PTK2: variants seen among roughly 807,000 people sequenced by gnomAD.
PTK2 encodes the protein protein tyrosine kinase 2.
In PTK2, 45 loss-of-function variants were observed where a neutral mutation model predicts 150.1. The observed-to-expected ratio is 0.30, with a 90% CI of 0.24 to 0.38. The LOEUF is 0.38. Ranked by LOEUF, PTK2 falls within the 10% of genes least tolerant of loss-of-function variation. The probability of loss-of-function intolerance (pLI) is 1.00; values close to 1 mark genes in which losing one functional copy is unlikely to be tolerated. For missense variants in PTK2, 919 were observed against 1,307.3 expected (o/e 0.70, Z 4.58); for synonymous variants, 432 against 449.2 (o/e 0.96, Z 0.48).
At chr8:140,751,550 G>A (rs2100062685) in intron 17 of PTK2, among the ~76,000 whole-genome samples, 1 of 151,564 alleles carries the variant, frequency 6.6e-6, no homozygotes, top group Non-Finnish European at 1.5e-5. Context: ...GAAGTGCAGT[G>A]TTGCTATCTC....
At chr8:140,869,819 A>C (rs1401541567) in intron 4 of PTK2, among the ~76,000 whole-genome samples, 1 of 152,104 alleles carries the variant, frequency 6.6e-6, no homozygotes, top group Non-Finnish European at 1.5e-5. Context: ...TCATGAACTT[A>C]TATGTACTTA....
intron 24 of PTK2, among the ~76,000 whole-genome samples, 159 bp from the exon 28 acceptor site, chr8:140,702,866 G>T (rs987142130): frequency 1.3e-5 from 2 of 152,200 alleles, no homozygotes; most frequent in Non-Finnish European, 2.9e-5. Flanking sequence ...ATGTGAATAT[G>T]TTTCCTTACG....
chr8:140,870,704 A>T (rs1271692969), intron 4 of PTK2, among the ~76,000 whole-genome samples: 1 of 152,230 alleles, frequency 6.6e-6, no homozygotes, highest in Admixed American at 6.5e-5. Context: ...ACAAAGACTT[A>T]AAAGACAAAG....
chr8:140,708,166 G>A (rs962889124), intron 23 of PTK2, among the ~76,000 whole-genome samples: 2 of 152,172 alleles, frequency 1.3e-5, no homozygotes, highest in African/African-American at 2.4e-5. Context: ...AAAGGAAATA[G>A]ATTTAAGTTC....
chr8:140,998,661 T>C (rs936957455), intron 1 of PTK2, among the ~76,000 whole-genome samples: 2 of 151,444 alleles, frequency 1.3e-5, no homozygotes, highest in Non-Finnish European at 2.9e-5. Flanking sequence ...TACTAAAAAA[T>C]ACAAAAAATT....
intron 1 of PTK2, among the ~76,000 whole-genome samples, chr8:140,983,402 A>G (rs1200486010): frequency 6.6e-6 from 1 of 151,116 alleles, no homozygotes; most frequent in Non-Finnish European, 1.5e-5. Context: ...AAAAAAAAAA[A>G]TCTTTGTTAA....
chr8:140,892,607 T>C, intron 2 of PTK2: 1 of 459,558 alleles, frequency 2.2e-6, no homozygotes, highest in East Asian at 6.3e-5. Context: ...AAATAATACC[T>C]TTTTCATCCA....
At chr8:140,733,244 T>C (rs2100050613) in intron 22 of PTK2, among the ~76,000 whole-genome samples, 1 of 152,054 alleles carries the variant, frequency 6.6e-6, no homozygotes. Flanking sequence ...AGGGCTGGCA[T>C]AGAAGAGAAT....
intron 14 of PTK2, among the ~76,000 whole-genome samples, chr8:140,778,240 C>T (rs751967021): frequency 2.0e-4 from 30 of 152,108 alleles, no homozygotes; most frequent in Admixed American, 1.1e-3. Flanking sequence ...GGCTGAGGCA[C>T]ATGGACCACT....
At chr8:140,920,950 A>T in intron 2 of PTK2, 1 of 1,451,812 alleles carries the variant, frequency 6.9e-7, no homozygotes, top group Non-Finnish European at 9.0e-7. Flanking sequence ...AGGAGTCTGC[A>T]CACAAAGTCC....
At chr8:140,897,828 T>C (rs2100156896) in intron 2 of PTK2, among the ~76,000 whole-genome samples, 1 of 152,326 alleles carries the variant, frequency 6.6e-6, no homozygotes, top group East Asian at 1.9e-4. Context: ...ATGAAAAAAG[T>C]CTTTTACCCC....
chr8:140,708,917 C>T (rs1428269342), intron 23 of PTK2, among the ~76,000 whole-genome samples: 2 of 138,568 alleles, frequency 1.4e-5, no homozygotes, highest in Admixed American at 1.5e-4. Context: ...GGGACCAGAA[C>T]AATAAACAGA....
At chr8:140,920,942 G>C (rs2100167154) in intron 2 of PTK2, 8 of 1,467,720 alleles carry the variant, frequency 5.5e-6, no homozygotes, top group African/African-American at 4.4e-5. Flanking sequence ...ATCAAGCCAG[G>C]AGTCTGCACA....
At chr8:140,931,061 A>T (rs959040226) in intron 1 of PTK2, among the ~76,000 whole-genome samples, 1 of 136,922 alleles carries the variant, frequency 7.3e-6, no homozygotes, top group Admixed American at 7.6e-5. Context: ...GCAGAGCGAG[A>T]CTCTGTCTCA....
At chr8:140,918,604 GCA>G (rs1184278956) in intron 2 of PTK2, among the ~76,000 whole-genome samples, 2 of 152,002 alleles carry the variant, frequency 1.3e-5, no homozygotes, top group South Asian at 2.1e-4. Context: ...AAATTCAACC[GCA>G]CAGTGAGCTT....
At chr8:140,990,020 A>G (rs975311133) in intron 1 of PTK2, among the ~76,000 whole-genome samples, 2 of 152,154 alleles carry the variant, frequency 1.3e-5, no homozygotes, top group Non-Finnish European at 2.9e-5. Context: ...GAGACAGGTT[A>G]TAAGAGCAGA....
At chr8:140,735,418 C>T in exon 22 of PTK2, 1 of 1,614,150 alleles carries the variant, frequency 6.2e-7, no homozygotes, top group South Asian at 1.1e-5. Context: ...CTTGAAAAGG[C>T]TTCACACCAT....
intron 2 of PTK2, chr8:140,920,928 A>C: frequency 6.7e-7 from 1 of 1,498,794 alleles, no homozygotes; most frequent in Non-Finnish European, 8.8e-7. Flanking sequence ...CCAATCCTAT[A>C]AAGATCAAGC....
intron 19 of PTK2, among the ~76,000 whole-genome samples, chr8:140,744,398 T>C (rs192684787): frequency 7.3e-4 from 111 of 152,250 alleles, no homozygotes; most frequent in Admixed American, 2.7e-3. Flanking sequence ...ACTCCACGTG[T>C]GTAAAAATCC....
Sources: allele counts gnomAD v4.1 joint callset (sites outside exome capture counted in the v4.1 genomes callset), GRCh38; gene constraint gnomAD v4.1.1; transcripts MANE v1.5; gene names NCBI Gene and HGNC (gene_info 2026-07-23, HGNC 2026-07-21).